Variants in MYO9A observed in about 807,000 individuals in gnomAD.
MYO9A encodes unconventional myosin-IXa.
A neutral mutation model predicts 293.3 loss-of-function variants in MYO9A; 103 were observed. The ratio of observed to expected loss-of-function variants is 0.35; its 90% CI spans 0.30 to 0.41. MYO9A has a LOEUF of 0.41. Ranked by LOEUF, MYO9A falls within the 10% of genes least tolerant of loss-of-function variation. The pLI, the probability that MYO9A is intolerant of heterozygous loss-of-function variation, is 1.00. For missense variants in MYO9A, 2,685 were observed against 3,033.0 expected, an observed-to-expected ratio of 0.89 and a Z score of 2.69; for synonymous variants, 1,001 against 1,035.7, an observed-to-expected ratio of 0.97 and a Z score of 0.64.
chr15:71,899,814 T>C lies in MYO9A; in HGVS notation c.3343A>G (p.Arg1115Gly). The C allele has an allele frequency of 6.2e-7, 1 of 1,614,186 alleles. No homozygotes were observed. Among genetic ancestry groups the C allele is most frequent in the East Asian group, 2.2e-5 (1 of 44,872 alleles). Residue 1115 changes from arginine (R) to glycine (G), a missense_variant, in exon 24 of 42, where the codon AGG becomes GGG. Arg to Gly is a moderately radical substitution (Grantham distance 125, BLOSUM62 -2). Transcript: ENST00000356056. ...TGTATGCAAATAGCAGCCATGTGCC[T>C]GCGCCTATAGTAATCTCTCCATTTC... ...QQKWRDYYRR[R>G]HMAAICIQAR...
intron 3 of MYO9A, among the ~76,000 whole-genome samples, chr15:72,031,439 T>C (rs750965423): frequency 1.3e-5 from 2 of 152,028 alleles, no homozygotes; most frequent in African/African-American, 4.8e-5. Context: ...TGAGCCGAGA[T>C]TGCACCACTG....
intron 1 of MYO9A, among the ~76,000 whole-genome samples, chr15:72,060,042 G>A (rs1356565904): frequency 5.9e-5 from 9 of 152,134 alleles, no homozygotes; most frequent in East Asian, 1.9e-4. Context: ...TCTTTGAGGC[G>A]AATTACAAAA....
intron 8 of MYO9A, among the ~76,000 whole-genome samples, chr15:72,000,856 T>C (rs1387164233): frequency 6.6e-6 from 1 of 152,356 alleles, no homozygotes; most frequent in East Asian, 1.9e-4. Context: ...CATATAAATA[T>C]ACCACAGTGT....
At chr15:71,906,864 C>T (rs1182205862) in intron 19 of MYO9A, among the ~76,000 whole-genome samples, 13 of 147,920 alleles carry the variant, frequency 8.8e-5, no homozygotes, top group East Asian at 6.0e-4. Context: ...CCCGGGTTCA[C>T]GCCATTCTCC....
Position 71,825,099 on chromosome 15 carries a change from C to G in MYO9A, c.*1481G>C, listed in dbSNP as rs2054419302. The G allele has an allele frequency of 2.0e-5, 3 of 152,202 alleles. No individual in the cohort carries two copies. The South Asian group carries it at 6.3e-4, about 32-fold the overall frequency. The allele number at this position is 152,202 out of a possible 1,614,324, so 9.4% of individuals were successfully genotyped here. ...AAATAAACATTTCACATACTTATCT[C>G]AAGAAAGGCTATCATGTTTCATTTT... On this transcript the variant is annotated 3_prime_UTR_variant, in exon 42 of 42. Coordinates refer to ENST00000356056, the MANE Select transcript of MYO9A (RefSeq NM_006901.4).
intron 2 of MYO9A, among the ~76,000 whole-genome samples, chr15:72,033,999 C>G (rs2077959975): frequency 6.6e-6 from 1 of 152,166 alleles, no homozygotes. Context: ...TTACTGAACA[C>G]CTCCCTAAAT....
intron 1 of MYO9A, among the ~76,000 whole-genome samples, chr15:72,076,577 A>G (rs1165241233): frequency 2.6e-5 from 4 of 152,214 alleles, no homozygotes; most frequent in Non-Finnish European, 4.4e-5. Context: ...GAAAACTATG[A>G]AACTTTGCTA....
At chr15:71,927,404 G>C (rs2058340458) in intron 18 of MYO9A, among the ~76,000 whole-genome samples, 1 of 152,082 alleles carries the variant, frequency 6.6e-6, no homozygotes, top group Non-Finnish European at 1.5e-5. Context: ...TCTGTGTTTT[G>C]GGGGTCATAG....
chr15:71,874,612 TA>T (rs2056623553), intron 32 of MYO9A, among the ~76,000 whole-genome samples: 1 of 152,180 alleles, frequency 6.6e-6, no homozygotes, highest in Non-Finnish European at 1.5e-5. Context: ...GGCTATTACA[TA>T]GAGAACTATA....
chr15:71,834,136 A>G (rs1437730661), intron 39 of MYO9A, among the ~76,000 whole-genome samples: 1 of 152,146 alleles, frequency 6.6e-6, no homozygotes, highest in African/African-American at 2.4e-5. Flanking sequence ...AAAGGTTGTA[A>G]TGAAAAAGGG....
At chr15:71,932,970 A>G (rs2058520845) in intron 18 of MYO9A, among the ~76,000 whole-genome samples, 1 of 152,056 alleles carries the variant, frequency 6.6e-6, no homozygotes, top group African/African-American at 2.4e-5. Context: ...TTAATAAAAC[A>G]AACAAAGCAA....
chr15:72,075,722 C>G (rs1360297496), intron 1 of MYO9A, among the ~76,000 whole-genome samples: 1 of 151,746 alleles, frequency 6.6e-6, no homozygotes, highest in East Asian at 1.9e-4. Context: ...TCCAGGAGTT[C>G]AAGACCAGCC....
intron 1 of MYO9A, among the ~76,000 whole-genome samples, chr15:72,101,263 C>A (rs1309060360): frequency 9.9e-5 from 13 of 130,754 alleles, no homozygotes; most frequent in African/African-American, 1.7e-4. Flanking sequence ...GCCCCCCGCC[C>A]GGCCAGCCGC....
chr15:72,021,486 A>C (rs2077501222), intron 4 of MYO9A, among the ~76,000 whole-genome samples: 1 of 152,216 alleles, frequency 6.6e-6, no homozygotes, highest in African/African-American at 2.4e-5. Context: ...GCTACCAGAA[A>C]GGTCAGAACA....
intron 1 of MYO9A, among the ~76,000 whole-genome samples, chr15:72,055,159 G>A (rs936211158): frequency 6.6e-6 from 1 of 152,194 alleles, no homozygotes; most frequent in African/African-American, 2.4e-5. Context: ...AGTGGTGCGT[G>A]CCCATAGTCA....
chr15:71,927,974 A>G (rs1376409434), intron 18 of MYO9A, among the ~76,000 whole-genome samples: 1 of 120,028 alleles, frequency 8.3e-6, no homozygotes, highest in Non-Finnish European at 1.7e-5. Flanking sequence ...TCCATTGGTT[A>G]ATGTATATTT....
chr15:72,115,165 A>G (rs371600388), intron 1 of MYO9A, among the ~76,000 whole-genome samples: 8 of 152,368 alleles, frequency 5.3e-5, no homozygotes, highest in African/African-American at 1.9e-4. Context: ...GCACTTAATC[A>G]TGTAATTTAC....
intron 39 of MYO9A, among the ~76,000 whole-genome samples, chr15:71,848,396 T>G (rs1457547750): frequency 6.6e-6 from 1 of 152,052 alleles, no homozygotes; most frequent in Admixed American, 6.5e-5. Context: ...TGGAATTCCA[T>G]TTCCTTAAGA....
rs184333862 is a variant in MYO9A at position 71,951,123 on chromosome 15, A to C, written c.2302+654T>G. ...GATTCTGTTATTATTCCTCAAGCCA[A>C]AACATTAATGCGGTGGTTTTGCTCT... On this transcript the variant is annotated intron_variant, in intron 15 of 41. Coordinates refer to ENST00000356056, the MANE Select transcript of MYO9A (RefSeq NM_006901.4). 5.3e-5 allele frequency among the ~76,000 whole-genome samples: 8 copies of C among 152,332 alleles called. No homozygotes were observed. The East Asian group carries it at 1.3e-3, about 26-fold the overall frequency.
Sources: allele counts gnomAD v4.1 joint callset (sites outside exome capture counted in the v4.1 genomes callset), GRCh38; gene constraint gnomAD v4.1.1; transcripts MANE v1.5; gene names NCBI Gene and HGNC (gene_info 2026-07-23, HGNC 2026-07-21).